RNF180: variants seen among roughly 807,000 people sequenced by gnomAD.
RNF180 encodes ring finger protein 180.
A neutral mutation model predicts 59.2 loss-of-function variants in RNF180; 38 were observed. The observed-to-expected ratio is 0.64, with a 90% CI of 0.50 to 0.84. RNF180 has a LOEUF of 0.84. Among genes scored for constraint, RNF180 ranks in the 40% least tolerant of loss-of-function variants. RNF180 has a pLI of 0.00. For missense variants in RNF180, 705 were observed against 700.9 expected, an observed-to-expected ratio of 1.01 and a Z score of -0.07; for synonymous variants, 262 against 240.3, an observed-to-expected ratio of 1.09 and a Z score of -0.84.
At chr5:64,335,369 A>G (rs1213676953) in intron 7 of RNF180, among the ~76,000 whole-genome samples, 1 of 152,006 alleles carries the variant, frequency 6.6e-6, no homozygotes, top group Non-Finnish European at 1.5e-5. Context: ...TGCTTAAGAA[A>G]TTCTTCTCTT....
intron 5 of RNF180, among the ~76,000 whole-genome samples, chr5:64,281,506 C>CT (rs531136367): frequency 4.8e-4 from 72 of 148,768 alleles, no homozygotes; most frequent in Non-Finnish European, 6.1e-4. Context: ...TTGTTGAGGA[C>CT]TTTTTTTTTT....
At position 64,369,762 on chromosome 5, in the gene RNF180, T is replaced by A; in HGVS notation, c.1727T>A (p.Val576Asp). The A allele has an allele frequency of 6.5e-7, 1 of 1,529,604 alleles. No homozygotes were observed. The highest frequency in any genetic ancestry group is 8.8e-7 in the Non-Finnish European group (1 of 1,139,548). The allele number at this position is 1,529,604 out of a possible 1,614,324, so 94.8% of individuals were successfully genotyped here. The change falls in exon 8 of 8, where the codon GTC (valine) becomes GAC (aspartate). Residue 576 changes from valine (V) to aspartate (D), a missense_variant. Transcript: ENST00000389100. ...VIIYIYSVNW[V>D]IGFIVFCFLC... ...ATATATATTTATTCAGTGAACTGGG[T>A]CATTGGATTCATTGTTTTCTGCTTT...
At chr5:64,323,711 G>T (rs1744488373) in intron 5 of RNF180, among the ~76,000 whole-genome samples, 1 of 152,126 alleles carries the variant, frequency 6.6e-6, no homozygotes, top group African/African-American at 2.4e-5. Context: ...GAGAAGTATG[G>T]CCGTGGCTAA....
intron 5 of RNF180, among the ~76,000 whole-genome samples, chr5:64,255,175 T>C (rs886303488): frequency 1.3e-5 from 2 of 152,172 alleles, no homozygotes; most frequent in Non-Finnish European, 2.9e-5. Context: ...TTGGTATATT[T>C]TATTTATCCA....
chr5:64,243,282 A>G (rs1186418456), intron 5 of RNF180, among the ~76,000 whole-genome samples: 1 of 152,196 alleles, frequency 6.6e-6, no homozygotes, highest in Non-Finnish European at 1.5e-5. Flanking sequence ...CAGGGAGCCA[A>G]GTGGTCTAGC....
At chr5:64,261,720 T>C (rs1056235144) in intron 5 of RNF180, among the ~76,000 whole-genome samples, 2 of 152,168 alleles carry the variant, frequency 1.3e-5, no homozygotes, top group Admixed American at 1.3e-4. Flanking sequence ...GAGTCTCTTA[T>C]AAATCAATAT....
chr5:64,360,464 A>G lies in RNF180; in HGVS notation c.1580-9151A>G, dbSNP rs1429843794. ...ACAGCCAATATCATACTGAATGGGC[A>G]AAAACTGGAAGCATTCCCTTTGAAA... On this transcript the variant is annotated intron_variant, in intron 7 of 7. Coordinates refer to ENST00000389100, the MANE Select transcript of RNF180 (RefSeq NM_001113561.2). Among the ~76,000 whole-genome samples the G allele has an allele frequency of 3.3e-5, 5 of 151,768 alleles. No individual in the cohort carries two copies. The East Asian group carries it at 9.7e-4, about 30-fold the overall frequency.
At position 64,194,036 on chromosome 5, in the gene RNF180, G is replaced by A. The variant is rs137928923; in HGVS notation, c.1-6772G>A. On this transcript the variant is annotated intron_variant, in intron 1 of 7. Transcript: ENST00000389100. ...TTTTTTATTATACTTTAAGTTTTAGGGTACATGTGCACAACGTGCAGGTTT... is the reference window on the plus strand; with the variant it reads ...TTTTTTATTATACTTTAAGTTTTAGAGTACATGTGCACAACGTGCAGGTTT... Among the ~76,000 whole-genome samples the A allele has an allele frequency of 3.7e-3, 570 of 152,196 alleles. 3 individuals carry two copies. The highest frequency in any genetic ancestry group is 0.013 in the African/African-American group (552 of 41,512).
At chr5:64,229,308 C>A (rs965713216) in intron 5 of RNF180, among the ~76,000 whole-genome samples, 10 of 152,138 alleles carry the variant, frequency 6.6e-5, no homozygotes, top group Admixed American at 1.3e-4. Context: ...ACTTTTGTGA[C>A]CCTCTCTGAA....
At chr5:64,249,098 C>G (rs1743389279) in intron 5 of RNF180, among the ~76,000 whole-genome samples, 1 of 152,146 alleles carries the variant, frequency 6.6e-6, no homozygotes, top group Admixed American at 6.5e-5. Flanking sequence ...ACACCGGGGC[C>G]TGTCAGGAGA....
intron 5 of RNF180, among the ~76,000 whole-genome samples, chr5:64,268,082 C>A (rs1453250181): frequency 6.6e-6 from 1 of 152,128 alleles, no homozygotes; most frequent in African/African-American, 2.4e-5. Context: ...AACATGATTA[C>A]AAATCTATTG....
intron 5 of RNF180, among the ~76,000 whole-genome samples, chr5:64,265,884 C>T (rs1744641872): frequency 6.6e-6 from 1 of 151,946 alleles, no homozygotes; most frequent in Admixed American, 6.6e-5. Flanking sequence ...TGTTTGTGTC[C>T]TCTTATTTCC....
At chr5:64,189,995 G>A (rs1485519077) in intron 1 of RNF180, among the ~76,000 whole-genome samples, 1 of 152,182 alleles carries the variant, frequency 6.6e-6, no homozygotes, top group African/African-American at 2.4e-5. Context: ...CAGGCCCAGA[G>A]CACACAGACT....
chr5:64,206,524 GAAAT>G (rs1412685952), intron 2 of RNF180, among the ~76,000 whole-genome samples: 1 of 152,108 alleles, frequency 6.6e-6, no homozygotes, highest in Non-Finnish European at 1.5e-5. Context: ...CTGTAATACT[GAAAT>G]AAATATTTTT....
intron 1 of RNF180, among the ~76,000 whole-genome samples, chr5:64,185,147 C>T (rs1750807999): frequency 6.6e-6 from 1 of 152,196 alleles, no homozygotes; most frequent in African/African-American, 2.4e-5. Context: ...GAAATCATCT[C>T]TGCTTTACTT....
chr5:64,165,655 G>C (rs1235121124), upstream of RNF180, among the ~76,000 whole-genome samples: 1 of 152,198 alleles, frequency 6.6e-6, no homozygotes, highest in Non-Finnish European at 1.5e-5. Flanking sequence ...TTGTCTGCCT[G>C]CGCGGGGTCA....
chr5:64,365,867 T>C (rs2121168), intron 7 of RNF180, among the ~76,000 whole-genome samples: 11,349 of 151,654 alleles, frequency 0.075, 620 homozygotes, highest in South Asian at 0.16. Flanking sequence ...ATAGGTGTCA[T>C]TGCATGTAAG....
intron 6 of RNF180, among the ~76,000 whole-genome samples, chr5:64,329,592 G>T (rs537143200): frequency 6.6e-6 from 1 of 151,794 alleles, no homozygotes; most frequent in South Asian, 2.1e-4. Flanking sequence ...CAAGTAGCTG[G>T]GACTGCAGGT....
rs1377444963 is a variant in RNF180 at position 64,352,916 on chromosome 5, G to A, written c.1580-16699G>A. ...GCAAATGAATTAAACTCAAAGCTAC[G>A]GCCTTCTTTTTTTATTTTTAATCTG... On this transcript the variant is annotated intron_variant, in intron 7 of 7. Coordinates refer to ENST00000389100, the MANE Select transcript of RNF180 (RefSeq NM_001113561.2). Among the ~76,000 whole-genome samples, 6 of 151,690 alleles carry A rather than the reference G, an allele frequency of 4.0e-5. No individual in the cohort carries two copies. In the East Asian group the frequency reaches 9.7e-4, roughly 25 times the overall value.
Sources: allele counts gnomAD v4.1 joint callset (sites outside exome capture counted in the v4.1 genomes callset), GRCh38; gene constraint gnomAD v4.1.1; transcripts MANE v1.5; gene names NCBI Gene and HGNC (gene_info 2026-07-23, HGNC 2026-07-21).